The following RAB18 variants were observed in gnomAD, a reference collection of about 807,000 sequenced individuals.
RAB18 encodes the protein ras-related protein Rab-18.
In RAB18, 10 loss-of-function variants were observed where a neutral mutation model predicts 28.5. That is an observed-to-expected ratio of 0.35 (90% confidence interval 0.22 to 0.60). The LOEUF (loss-of-function observed/expected upper bound fraction) is 0.60. Among genes scored for constraint, RAB18 ranks in the 20% least tolerant of loss-of-function variants. The pLI is 0.78. For missense variants in RAB18, 188 were observed against 244.2 expected (o/e 0.77, Z 1.53); for synonymous variants, 93 against 86.9 (o/e 1.07, Z -0.39).
chr10:27,513,651 C>T (rs189339065), intron 2 of RAB18, among the ~76,000 whole-genome samples: 2 of 152,214 alleles, frequency 1.3e-5, no homozygotes, highest in East Asian at 3.9e-4. Context: ...AGTTAAAAAC[C>T]CCAAGCCACA....
chr10:27,509,745 T>A lies in RAB18; in HGVS notation c.69-130T>A, dbSNP rs11015829. 341,530 of 758,042 alleles carry A rather than the reference T, an allele frequency of 0.45. 80,861 individuals are homozygous for A. Among genetic ancestry groups the A allele is most frequent in the Non-Finnish European group, 0.51 (219,016 of 433,476 alleles). The allele number at this position is 758,042 out of a possible 1,614,324, so 47.0% of individuals were successfully genotyped here. On this transcript the variant is annotated intron_variant, in intron 1 of 6. Coordinates refer to ENST00000356940, the MANE Select transcript of RAB18 (RefSeq NM_021252.5). ...GTGTATACCTGCTCTGAGGCAGTAT[T>A]CCTAGGAACAGGCCTACATCAGTTA...
chr10:27,534,144 A>G, intron 6 of RAB18, 150 bp downstream of exon 6: 1 of 729,920 alleles, frequency 1.4e-6, no homozygotes, highest in Admixed American at 2.4e-5. Flanking sequence ...CTATATAACA[A>G]GGTTCTTTAT....
At chr10:27,516,370 A>G (rs1490389458) in intron 2 of RAB18, among the ~76,000 whole-genome samples, 1 of 152,098 alleles carries the variant, frequency 6.6e-6, no homozygotes, top group Non-Finnish European at 1.5e-5. Flanking sequence ...AGCCTGGTCA[A>G]CATGGTGAAA....
intron 2 of RAB18, among the ~76,000 whole-genome samples, chr10:27,513,032 A>ATATTTT (rs1190171231): frequency 7.0e-6 from 1 of 142,584 alleles, no homozygotes; most frequent in East Asian, 2.2e-4. Context: ...ATATATATAT[A>ATATTTT]TTTTTTTTTT....
intron 1 of RAB18, chr10:27,504,650 C>T (rs746770517): frequency 5.4e-6 from 4 of 744,018 alleles, no homozygotes; most frequent in East Asian, 2.6e-5. Flanking sequence ...TTTGCCAGGC[C>T]CAAGTTCTCT....
chr10:27,541,686 T>G lies in RAB18; in HGVS notation c.*3635T>G. The G allele has an allele frequency of 2.2e-6, 1 of 449,236 alleles. No individual in the cohort carries two copies. The highest frequency in any genetic ancestry group is 4.4e-6 in the Non-Finnish European group (1 of 225,730). 27.8% of individuals were successfully genotyped at this position (449,236 alleles called of 1,614,324 possible). ...CCGGAGAAGCAACAAATTACGTAGT[T>G]TTTTTTGTGTTTCTTTGATTACTAG... On this transcript the variant is annotated 3_prime_UTR_variant, in exon 7 of 7. Transcript: ENST00000356940.
Position 27,533,955 on chromosome 10 carries a change from G to A in RAB18, c.406G>A (p.Gly136Ser), listed in dbSNP as rs757213835. Reference protein sequence around the residue: ...KENREVDRNEGLKFARKHSML... With the variant: ...KENREVDRNESLKFARKHSML... Reference sequence around the variant, plus strand: ...AAATCGTGAAGTCGATAGAAATGAAGGCCTGAAATTTGCACGAAAGCATTC... The same window carrying A: ...AAATCGTGAAGTCGATAGAAATGAAAGCCTGAAATTTGCACGAAAGCATTC... Residue 136 changes from glycine (G) to serine (S), a missense_variant, in exon 6 of 7, where the codon GGC (glycine) becomes AGC (serine). Physicochemically the swap from Gly to Ser is moderately conservative, Grantham distance 56. Coordinates refer to ENST00000356940, the MANE Select transcript of RAB18 (RefSeq NM_021252.5). 5.0e-6 allele frequency: 8 copies of A among 1,608,964 alleles called. No homozygotes were observed. Among genetic ancestry groups the A allele is most frequent in the South Asian group, 4.4e-5 (4 of 90,976 alleles).
rs1488317089 is a variant in RAB18 at position 27,539,182 on chromosome 10, C to A, written c.*1131C>A. ...CAGTATTCAGTTTTCTCACCTCTTG[C>A]TATTGTATATTGTAGATTTTTTTCA... On this transcript the variant is annotated 3_prime_UTR_variant, in exon 7 of 7. Coordinates refer to ENST00000356940, the MANE Select transcript of RAB18 (RefSeq NM_021252.5). 1 of 345,992 alleles carries A rather than the reference C, an allele frequency of 2.9e-6. No individual in the cohort carries two copies. Among genetic ancestry groups the A allele is most frequent in the Non-Finnish European group, 5.6e-6 (1 of 177,564 alleles). 21.4% of individuals were successfully genotyped at this position (345,992 alleles called of 1,614,324 possible). A position where few individuals can be genotyped will look rare whatever the true frequency, so the allele number is the denominator to read the frequency against.
rs1229846561 is a variant in RAB18 at position 27,527,992 on chromosome 10, GA to G, written c.186+1107del. On this transcript the variant is annotated intron_variant, in intron 3 of 6. Coordinates refer to ENST00000356940, the MANE Select transcript of RAB18 (RefSeq NM_021252.5). ...TCAATCAGAACGGTAATGTCTAACA[GA>G]AAACAATTTGGAAAATGTTGGACTA... Among the ~76,000 whole-genome samples, 11 of 152,210 alleles carry G rather than the reference GA, an allele frequency of 7.2e-5. No homozygotes were observed. In the East Asian group the frequency reaches 2.1e-3, roughly 29 times the overall value.
chr10:27,512,797 C>T (rs2138978073), intron 2 of RAB18, among the ~76,000 whole-genome samples: 1 of 152,094 alleles, frequency 6.6e-6, no homozygotes, highest in Non-Finnish European at 1.5e-5. Context: ...GTCTTCATTA[C>T]AAACCCAAAT....
At chr10:27,514,537 A>T (rs1834392664) in intron 2 of RAB18, among the ~76,000 whole-genome samples, 1 of 152,202 alleles carries the variant, frequency 6.6e-6, no homozygotes, top group Admixed American at 6.5e-5. Flanking sequence ...AAATACAATA[A>T]GAGACAGAGT....
chr10:27,506,904 G>A (rs1266751224), intron 1 of RAB18, among the ~76,000 whole-genome samples: 1 of 152,110 alleles, frequency 6.6e-6, no homozygotes, highest in African/African-American at 2.4e-5. Flanking sequence ...TCAACTGCTC[G>A]ATGCAGGATT....
At chr10:27,516,796 T>G (rs962050326) in intron 2 of RAB18, among the ~76,000 whole-genome samples, 1 of 152,128 alleles carries the variant, frequency 6.6e-6, no homozygotes, top group Non-Finnish European at 1.5e-5. Context: ...TGTGCCTGGG[T>G]CCACTTCTCT....
rs146545118 is a variant in RAB18 at position 27,504,701 on chromosome 10, C to A, written c.68+264C>A. ...CTGTAGCGCCGAGAAAACACCATTC[C>A]GAGGGCCGCCGCTCGGCCGGCAGGT... On this transcript the variant is annotated intron_variant, in intron 1 of 6. Coordinates refer to ENST00000356940, the MANE Select transcript of RAB18 (RefSeq NM_021252.5). 3 of 696,348 alleles carry A rather than the reference C, an allele frequency of 4.3e-6. No individual in the cohort carries two copies. In the African/African-American group the frequency reaches 5.3e-5, roughly 12 times the overall value. The allele number at this position is 696,348 out of a possible 1,614,324, so 43.1% of individuals were successfully genotyped here.
At chr10:27,536,081 C>CA (rs375160249) in intron 6 of RAB18, among the ~76,000 whole-genome samples, 28,131 of 127,386 alleles carry the variant, frequency 0.22, 3,261 homozygotes, top group Middle Eastern at 0.29. Flanking sequence ...GACTCTGTCT[C>CA]AAAAAAAAAA....
At chr10:27,527,347 C>G (rs914568105) in intron 3 of RAB18, among the ~76,000 whole-genome samples, 3 of 152,004 alleles carry the variant, frequency 2.0e-5, no homozygotes, top group African/African-American at 7.2e-5. Context: ...TTTAATGCCT[C>G]GTTTTTCCTT....
intron 3 of RAB18, 70 bp downstream of exon 3, chr10:27,526,959 GT>G: frequency 6.7e-7 from 1 of 1,487,412 alleles, no homozygotes; most frequent in Non-Finnish European, 9.4e-7. Context: ...ATTGATTTGT[GT>G]AGTGTTCTAG....
At position 27,538,310 on chromosome 10, in the gene RAB18, C is replaced by A; in HGVS notation, c.*259C>A. The A allele has an allele frequency of 1.7e-6, 1 of 582,116 alleles. No individual in the cohort carries two copies. Among genetic ancestry groups the A allele is most frequent in the Non-Finnish European group, 3.2e-6 (1 of 311,060 alleles). The allele number at this position is 582,116 out of a possible 1,614,324, so 36.1% of individuals were successfully genotyped here. A position where few individuals can be genotyped will look rare whatever the true frequency, so the allele number is the denominator to read the frequency against. ...TAAGTACATTCAATTTTATGATTTA[C>A]ATTTATCATGTAATTTTTAAAAAAA... On this transcript the variant is annotated 3_prime_UTR_variant, in exon 7 of 7. Coordinates refer to ENST00000356940, the MANE Select transcript of RAB18 (RefSeq NM_021252.5).
intron 2 of RAB18, among the ~76,000 whole-genome samples, chr10:27,514,475 C>T (rs1834391122): frequency 6.6e-6 from 1 of 151,880 alleles, no homozygotes. Flanking sequence ...AAAACTATTA[C>T]TGAAATGAAG....
Sources: allele counts gnomAD v4.1 joint callset (sites outside exome capture counted in the v4.1 genomes callset), GRCh38; gene constraint gnomAD v4.1.1; transcripts MANE v1.5; gene names NCBI Gene and HGNC (gene_info 2026-07-23, HGNC 2026-07-21).